Variants in ETV6 observed in about 807,000 individuals in gnomAD.
The protein encoded by ETV6 is ETS variant transcription factor 6, also known as transcription factor ETV6.
Under a neutral mutation model 51.1 loss-of-function variants are expected in ETV6, and 16 were observed. The observed-to-expected ratio is 0.31, with a 90% CI of 0.21 to 0.48. The LOEUF (loss-of-function observed/expected upper bound fraction) is 0.48, where lower values mean the gene tolerates loss of function less well. Among genes scored for constraint, ETV6 ranks in the 20% least tolerant of loss-of-function variants. The pLI is 0.99. For synonymous variants in ETV6, 240 were observed against 224.1 expected (o/e 1.07, Z -0.64); for missense variants, 458 against 594.8 (o/e 0.77, Z 2.39).
chr12:11,883,276 C>CTTTTTTTTTTTTTTTTTTTT (rs547786286), intron 5 of ETV6, among the ~76,000 whole-genome samples: 3 of 79,114 alleles, frequency 3.8e-5, no homozygotes, highest in African/African-American at 7.4e-5. Context: ...ATGTCTTCTT[C>CTTTTTTTTTTTTTTTTTTTT]TTTTTTTTTT....
intron 2 of ETV6, among the ~76,000 whole-genome samples, chr12:11,795,890 A>C (rs564994398): frequency 1.3e-5 from 2 of 152,168 alleles, no homozygotes; most frequent in Non-Finnish European, 1.5e-5. Context: ...TAAAACACTT[A>C]GTACAGTGTC....
intron 5 of ETV6, among the ~76,000 whole-genome samples, chr12:11,877,906 C>A (rs935393428): frequency 3.9e-5 from 6 of 152,208 alleles, no homozygotes; most frequent in Admixed American, 1.3e-4. Context: ...ACTGTCCCCC[C>A]CTGCCTCACT....
chr12:11,732,982 A>G (rs893656449), intron 1 of ETV6, among the ~76,000 whole-genome samples: 3 of 152,176 alleles, frequency 2.0e-5, no homozygotes, highest in Non-Finnish European at 2.9e-5. Context: ...CTTTGCTTCA[A>G]ATTCTAGCAC....
At chr12:11,702,304 G>A (rs1484004467) in intron 1 of ETV6, among the ~76,000 whole-genome samples, 2 of 152,170 alleles carry the variant, frequency 1.3e-5, no homozygotes, top group Non-Finnish European at 2.9e-5. Flanking sequence ...GTCTTCTGAA[G>A]TTTTTATAAT....
chr12:11,769,557 G>A (rs1175334582), intron 2 of ETV6, among the ~76,000 whole-genome samples: 2 of 152,138 alleles, frequency 1.3e-5, no homozygotes, highest in Admixed American at 6.5e-5. Flanking sequence ...CATAGTAAGG[G>A]GAGAAATGGT....
chr12:11,666,459 T>C (rs1864195947), intron 1 of ETV6, among the ~76,000 whole-genome samples: 2 of 152,182 alleles, frequency 1.3e-5, no homozygotes, highest in African/African-American at 4.8e-5. Flanking sequence ...ACAGCCTCAA[T>C]ATTGCTGTTT....
At chr12:11,798,385 G>GA in intron 2 of ETV6, among the ~76,000 whole-genome samples, 1 of 152,270 alleles carries the variant, frequency 6.6e-6, no homozygotes, top group Admixed American at 6.5e-5. Flanking sequence ...AGTTACAAGG[G>GA]AAAATCATGC....
intron 1 of ETV6, among the ~76,000 whole-genome samples, chr12:11,694,919 A>T (rs1864846391): frequency 6.6e-6 from 1 of 152,112 alleles, no homozygotes. Flanking sequence ...CTTCCCTTAG[A>T]TTGACGTGTG....
At chr12:11,833,621 G>A (rs754746631) in intron 2 of ETV6, among the ~76,000 whole-genome samples, 1 of 152,204 alleles carries the variant, frequency 6.6e-6, no homozygotes, top group Non-Finnish European at 1.5e-5. Flanking sequence ...GTGACTTTGG[G>A]CAAGTCGTTT....
At chr12:11,751,340 T>C (rs1157608990) in intron 1 of ETV6, 1 of 518,902 alleles carries the variant, frequency 1.9e-6, no homozygotes, top group Admixed American at 1.9e-5. Context: ...CTTTTGCTCT[T>C]GAGTTTTATT....
chr12:11,767,450 G>C (rs1201951939), intron 2 of ETV6, among the ~76,000 whole-genome samples: 1 of 152,224 alleles, frequency 6.6e-6, no homozygotes, highest in Non-Finnish European at 1.5e-5. Flanking sequence ...TCTTCTATGT[G>C]TGCAGCATGG....
intron 2 of ETV6, among the ~76,000 whole-genome samples, chr12:11,838,477 G>T (rs1475206273): frequency 1.3e-5 from 2 of 152,214 alleles, no homozygotes; most frequent in Non-Finnish European, 2.9e-5. Flanking sequence ...CCACCAGGAA[G>T]CTCTAATGTC....
rs1012647585 is a variant in ETV6, at chr12:11,892,659, G to A, written c.*1613G>A. 1 of 232,826 alleles carries A rather than the reference G, an allele frequency of 4.3e-6. No individual in the cohort carries two copies. Among genetic ancestry groups the A allele is most frequent in the Non-Finnish European group, 8.5e-6 (1 of 117,968 alleles). The allele number at this position is 232,826 out of a possible 1,614,324, so 14.4% of individuals were successfully genotyped here. On this transcript the variant is annotated 3_prime_UTR_variant, in exon 8 of 8. Transcript: ENST00000396373. ...CCCCTCTGTTTCCTCTACTCAGTTG[G>A]GGGAGAAACTCACAGCTCCTCCGGG...
chr12:11,668,653 T>C (rs1202776841), intron 1 of ETV6, among the ~76,000 whole-genome samples: 1 of 152,234 alleles, frequency 6.6e-6, no homozygotes, highest in Non-Finnish European at 1.5e-5. Flanking sequence ...TATGTTTTTC[T>C]TTCTTCTGGA....
intron 4 of ETV6, among the ~76,000 whole-genome samples, chr12:11,853,868 T>C (rs1357386689): frequency 6.6e-6 from 1 of 152,306 alleles, no homozygotes; most frequent in Middle Eastern, 3.4e-3. Context: ...GAAGCAACTC[T>C]GGAGTATGCC....
intron 2 of ETV6, 25 bp from the exon 3 acceptor site, chr12:11,839,107 CTCTTTCTT>C (rs760579235): frequency 6.3e-7 from 1 of 1,597,678 alleles, no homozygotes; most frequent in Non-Finnish European, 8.5e-7. Flanking sequence ...AGACCTTTCT[CTCTTTCTT>C]TCTGCCTCAT....
intron 2 of ETV6, among the ~76,000 whole-genome samples, chr12:11,759,312 G>T (rs1945048440): frequency 6.6e-6 from 1 of 152,126 alleles, no homozygotes; most frequent in Non-Finnish European, 1.5e-5. Context: ...GTGGGGGATG[G>T]GGAGGGGAGG....
chr12:11,813,671 T>C (rs1162969521), intron 2 of ETV6, among the ~76,000 whole-genome samples: 3 of 144,110 alleles, frequency 2.1e-5, no homozygotes, highest in African/African-American at 7.5e-5. Flanking sequence ...CTGACAACTA[T>C]AAATCCAGCC....
intron 2 of ETV6, among the ~76,000 whole-genome samples, chr12:11,755,088 A>T (rs780113425): frequency 2.0e-5 from 3 of 152,146 alleles, no homozygotes; most frequent in Non-Finnish European, 2.9e-5. Flanking sequence ...TATTTATTGG[A>T]TGGATGGATG....
Sources: gnomAD v4.1 joint callset for allele counts (sites outside exome capture counted in the v4.1 genomes callset) on GRCh38, gnomAD v4.1.1 for gene constraint, MANE v1.5 for transcripts, NCBI Gene and HGNC (gene_info 2026-07-23, HGNC 2026-07-21) for gene names.